Variants in TIAM2 observed in about 807,000 individuals in gnomAD.
The protein encoded by TIAM2 is TIAM Rac1 associated GEF 2.
TIAM2 carries 80 observed loss-of-function variants against 152.9 expected under a neutral mutation model. That is an observed-to-expected ratio of 0.52 (90% CI 0.44 to 0.63). The LOEUF (loss-of-function observed/expected upper bound fraction) is 0.63. Ranked by LOEUF, TIAM2 falls within the 30% of genes least tolerant of loss-of-function variation. The pLI is 0.00. For synonymous variants in TIAM2, 804 were observed against 838.0 expected (o/e 0.96, Z 0.70); for missense variants, 1,965 against 2,120.1 (o/e 0.93, Z 1.44).
intron 1 of TIAM2, among the ~76,000 whole-genome samples, chr6:155,053,003 TAAATC>T (rs151126636): frequency 0.04 from 6,150 of 152,294 alleles, 175 homozygotes; most frequent in Non-Finnish European, 0.063. Context: ...TGTGTATGAA[TAAATC>T]AAATTTGTTT....
chr6:155,221,634 G>A (rs186444805), intron 15 of TIAM2, among the ~76,000 whole-genome samples: 4 of 152,256 alleles, frequency 2.6e-5, no homozygotes, highest in South Asian at 2.1e-4. Flanking sequence ...TTAGGTGGTC[G>A]TAAGGGACCT....
chr6:155,066,257 A>G (rs1372941967), intron 1 of TIAM2, among the ~76,000 whole-genome samples: 1 of 110,192 alleles, frequency 9.1e-6, no homozygotes, highest in Non-Finnish European at 2.0e-5. Flanking sequence ...CTCCACTTCC[A>G]TCTCCACTTT....
chr6:155,070,840 C>G (rs1462968612), intron 1 of TIAM2, among the ~76,000 whole-genome samples: 1 of 152,132 alleles, frequency 6.6e-6, no homozygotes, highest in Non-Finnish European at 1.5e-5. Flanking sequence ...ACATGACTGA[C>G]CCTATTGGCT....
At position 155,256,496 on chromosome 6, in the gene TIAM2, C is replaced by G. The variant is rs1784038776; in HGVS notation, c.4481C>G (p.Ser1494Cys). The change falls in exon 27 of 27, where the codon TCT becomes TGT. Residue 1494 changes from serine to cysteine, a missense_variant. Around this residue, in one of 3 missense-constraint regions of TIAM2, gnomAD observed 935 missense variants for 980.0 expected, o/e 0.95. Coordinates refer to ENST00000682666, the MANE Select transcript of TIAM2 (RefSeq NM_012454.4). ...TTTCTCACTGTAGCTTCATCCAGGT[C>G]TTTAAAAGTCCTGAAGAATTCCTCC... ...PVSAKLASSR[S>C]LKVLKNSSSN... The G allele has an allele frequency of 6.2e-7, 1 of 1,614,158 alleles. No individual in the cohort carries two copies.
intron 1 of TIAM2, among the ~76,000 whole-genome samples, chr6:155,047,663 GA>G (rs1221458131): frequency 4.7e-5 from 4 of 84,746 alleles, no homozygotes; most frequent in African/African-American, 8.5e-5. Flanking sequence ...GAGAGAGAGA[GA>G]GAGGAGAGAG....
chr6:155,211,523 C>A (rs1422582262), intron 15 of TIAM2, among the ~76,000 whole-genome samples: 1 of 152,176 alleles, frequency 6.6e-6, no homozygotes, highest in Non-Finnish European at 1.5e-5. Context: ...AGCCAGAACT[C>A]CTCCATGACT....
intron 1 of TIAM2, among the ~76,000 whole-genome samples, chr6:155,069,393 C>T (rs1777783164): frequency 6.6e-6 from 1 of 152,116 alleles, no homozygotes; most frequent in African/African-American, 2.4e-5. Flanking sequence ...CACGCCCAGC[C>T]TGTTAGTAAA....
intron 1 of TIAM2, among the ~76,000 whole-genome samples, chr6:155,024,650 T>TG (rs1776562284): frequency 6.2e-5 from 1 of 16,120 alleles, no homozygotes; most frequent in African/African-American, 1.2e-4. Flanking sequence ...AATCCATGTC[T>TG]TTAAAAAAAA....
At chr6:155,071,696 A>G (rs984525490) in intron 1 of TIAM2, among the ~76,000 whole-genome samples, 9 of 152,132 alleles carry the variant, frequency 5.9e-5, no homozygotes, top group African/African-American at 2.2e-4. Context: ...GGAGTTCAAG[A>G]CTAGCCTGGC....
chr6:155,176,177 A>G (rs1780753653), intron 9 of TIAM2, among the ~76,000 whole-genome samples: 1 of 152,152 alleles, frequency 6.6e-6, no homozygotes, highest in Non-Finnish European at 1.5e-5. Context: ...GCCCTTCTCA[A>G]CCATGATCCC....
At chr6:155,118,015 T>C (rs1173608763) in intron 2 of TIAM2, among the ~76,000 whole-genome samples, 1 of 152,222 alleles carries the variant, frequency 6.6e-6, no homozygotes, top group East Asian at 1.9e-4. Flanking sequence ...CCTCCCACAC[T>C]GACGCTGAGC....
chr6:155,188,836 C>G (rs1458656889), intron 14 of TIAM2, among the ~76,000 whole-genome samples: 2 of 152,162 alleles, frequency 1.3e-5, no homozygotes, highest in African/African-American at 4.8e-5. Flanking sequence ...GCCATTAATC[C>G]TACCTTGTTA....
At chr6:155,195,905 G>T (rs1038115986) in intron 14 of TIAM2, among the ~76,000 whole-genome samples, 1 of 152,244 alleles carries the variant, frequency 6.6e-6, no homozygotes, top group African/African-American at 2.4e-5. Flanking sequence ...GCAGTGAGAG[G>T]TGAGGCCCAG....
At chr6:155,248,438 G>T (rs907546977) in intron 20 of TIAM2, among the ~76,000 whole-genome samples, 2 of 152,224 alleles carry the variant, frequency 1.3e-5, no homozygotes, top group African/African-American at 4.8e-5. Flanking sequence ...CCTATGCAGG[G>T]ATGATTCTGT....
chr6:155,075,084 A>C (rs1182887296), intron 1 of TIAM2, among the ~76,000 whole-genome samples: 2 of 152,076 alleles, frequency 1.3e-5, no homozygotes. Flanking sequence ...GGCAGTGGGC[A>C]AGGAATGCAA....
rs1177493528 is a variant in TIAM2 at position 155,129,697 on chromosome 6, C to T, written c.474C>T (p.Ser158=). Residue 158 remains serine, a synonymous_variant, in exon 4 of 27, where the codon AGC becomes AGT. Transcript: ENST00000682666. The surrounding 1 kb of genome is among the most constrained non-coding windows in gnomAD (Gnocchi z 4.8). ...CCCCACCGGGCGAAGACCGCAAGAGCCCCCGAGTGCTCATCAAAACGCTGG... is the reference window on the plus strand; with the variant it reads ...CCCCACCGGGCGAAGACCGCAAGAGTCCCCGAGTGCTCATCAAAACGCTGG... ...ASTPPGEDRK[S]PRVLIKTLGK... The T allele has an allele frequency of 3.1e-6, 5 of 1,614,074 alleles. No homozygotes were observed. The highest frequency in any genetic ancestry group is 1.3e-5 in the African/African-American group (1 of 75,066).
chr6:155,034,744 C>T (rs1776892078), intron 1 of TIAM2, among the ~76,000 whole-genome samples: 1 of 152,250 alleles, frequency 6.6e-6, no homozygotes, highest in Non-Finnish European at 1.5e-5. Context: ...GCTAGTTAAC[C>T]TCTTTTTCCT....
intron 1 of TIAM2, among the ~76,000 whole-genome samples, chr6:155,056,274 C>T (rs975551062): frequency 1.3e-5 from 2 of 148,706 alleles, no homozygotes; most frequent in Admixed American, 6.9e-5. Flanking sequence ...TGGGTTCAAG[C>T]GATTCTCCTG....
chr6:155,104,553 C>T lies in TIAM2; in HGVS notation c.-118+14174C>T, dbSNP rs143117724. On this transcript the variant is annotated intron_variant, in intron 2 of 26. Coordinates refer to ENST00000682666, the MANE Select transcript of TIAM2 (RefSeq NM_012454.4). ...TGGGCAGATCATGAGGTCAGGAGAT[C>T]GAGACCATCCTGGCTAACACAGTGA... Among the ~76,000 whole-genome samples the T allele has an allele frequency of 3.6e-3, 555 of 152,088 alleles. 3 individuals are homozygous for T. Among genetic ancestry groups the T allele is most frequent in the East Asian group, 0.016 (81 of 5,166 alleles).
Sources: gnomAD v4.1 joint callset for allele counts (sites outside exome capture counted in the v4.1 genomes callset) on GRCh38, gnomAD v4.1.1 for gene constraint, gnomAD v4.1.1 regional missense constraint, Gnocchi (gnomAD v3.1) non-coding constraint, MANE v1.5 for transcripts, NCBI Gene and HGNC (gene_info 2026-07-23, HGNC 2026-07-21) for gene names.